Variants in EIF5A observed in about 807,000 individuals in gnomAD.
EIF5A encodes eukaryotic translation initiation factor 5A-1.
In EIF5A, 1 loss-of-function variant was observed where a neutral mutation model predicts 16.6. The observed-to-expected ratio is 0.06, with a 90% CI of 0.02 to 0.28. EIF5A has a LOEUF of 0.28. Among genes scored for constraint, EIF5A ranks in the 10% least tolerant of loss-of-function variants. EIF5A has a pLI of 1.00. For synonymous variants in EIF5A, 80 were observed against 73.6 expected, an observed-to-expected ratio of 1.09 and a Z score of -0.44; for missense variants, 29 against 196.1, an observed-to-expected ratio of 0.15 and a Z score of 5.09.
chr17:7,309,482 C>T, intron 1 of EIF5A, 133 bp from the exon 2 acceptor site: 1 of 1,228,290 alleles, frequency 8.1e-7, no homozygotes, highest in Non-Finnish European at 1.1e-6. Flanking sequence ...ATTTTAAGTT[C>T]AGGAACTTTG....
At chr17:7,308,150 G>C (rs1453245048) in intron 1 of EIF5A, 3 of 906,240 alleles carry the variant, frequency 3.3e-6, no homozygotes, top group East Asian at 1.2e-4. Context: ...GGGCATGATG[G>C]GGGGGGTTGG....
Position 7,309,811 on chromosome 17 carries a change from C to T in EIF5A, c.165+11C>T, listed in dbSNP as rs757542247. 3 of 1,614,256 alleles carry T rather than the reference C, an allele frequency of 1.9e-6. No homozygotes were observed. Among genetic ancestry groups the T allele is most frequent in the Non-Finnish European group, 2.5e-6 (3 of 1,180,042 alleles). On this transcript the variant is annotated intron_variant, in intron 2 of 5. Coordinates refer to ENST00000336458, the MANE Select transcript of EIF5A (RefSeq NM_001970.5). ...CACGGCCACGCCAAGGTTAGAATTT[C>T]ACCTCCGCATCTTGCCTTCCCCATG...
intron 2 of EIF5A, chr17:7,310,559 C>T (rs1173613273): frequency 9.2e-7 from 1 of 1,086,384 alleles, no homozygotes; most frequent in Admixed American, 5.0e-5. Context: ...TCCTTATTTT[C>T]TAGCTACATA....
At chr17:7,307,244 A>AG, upstream of EIF5A, 8 of 1,256,576 alleles carry the variant, frequency 6.4e-6, no homozygotes, top group Non-Finnish European at 8.6e-6. Context: ...CTGAGGTGGA[A>AG]GGGGTTGTTT....
intron 1 of EIF5A, among the ~76,000 whole-genome samples, chr17:7,309,101 C>T (rs1273616370): frequency 6.7e-6 from 1 of 149,838 alleles, no homozygotes; most frequent in African/African-American, 2.5e-5. Flanking sequence ...TTGTGGTTTC[C>T]TGTAGCAGTG....
chr17:7,307,914 C>G (rs2072674234), intron 1 of EIF5A, 162 bp downstream of exon 1: 3 of 984,178 alleles, frequency 3.0e-6, no homozygotes, highest in African/African-American at 3.5e-5. Context: ...GGCGCGCGCC[C>G]CGGTTGGCGC....
rs1462395203 is a variant in EIF5A, at chr17:7,307,650, G to C, written c.-124G>C. ...TGCGTACTAAGACCCGTGTGCAGCAGCGGCGGCGGCGGTAGAGGCGGCGGC... is the reference window on the plus strand; with the variant it reads ...TGCGTACTAAGACCCGTGTGCAGCACCGGCGGCGGCGGTAGAGGCGGCGGC... On this transcript the variant is annotated 5_prime_UTR_variant, in exon 1 of 6. Transcript: ENST00000336458. 2.9e-6 allele frequency: 3 copies of C among 1,048,034 alleles called. No homozygotes were observed. The highest frequency in any genetic ancestry group is 3.4e-6 in the Non-Finnish European group (3 of 871,294). The allele number at this position is 1,048,034 out of a possible 1,614,324, so 64.9% of individuals were successfully genotyped here. A position where few individuals can be genotyped will look rare whatever the true frequency, so the allele number is the denominator to read the frequency against.
upstream of EIF5A, chr17:7,307,123 G>GT (rs1341056089): frequency 1.3e-6 from 2 of 1,591,316 alleles, no homozygotes; most frequent in African/African-American, 2.7e-5. Context: ...CGTGTGAGTC[G>GT]TTTAAGTCCA....
intron 1 of EIF5A, chr17:7,308,602 G>C (rs1444060221): frequency 7.4e-7 from 1 of 1,349,390 alleles, no homozygotes; most frequent in Non-Finnish European, 9.8e-7. Flanking sequence ...CGAGCTGGGA[G>C]GCCGGAGAAA....
In EIF5A at chr17:7,311,812, T is replaced by C. The variant is rs971464573; in HGVS notation, c.*12-10T>C. 10 of 1,023,658 alleles carry C rather than the reference T, an allele frequency of 9.8e-6. No individual in the cohort carries two copies. In the Admixed American group the frequency reaches 1.4e-4, roughly 14 times the overall value. 63.4% of individuals were successfully genotyped at this position (1,023,658 alleles called of 1,614,324 possible). ...TTATCCTGTCTTACTAATTTCTCTCTCCTACCTAGGGTGGCGGTGGTGGCA... is the reference window on the plus strand; with the variant it reads ...TTATCCTGTCTTACTAATTTCTCTCCCCTACCTAGGGTGGCGGTGGTGGCA... On this transcript the variant is annotated splice_polypyrimidine_tract_variant and intron_variant, in intron 5 of 5. Coordinates refer to ENST00000336458, the MANE Select transcript of EIF5A (RefSeq NM_001970.5).
chr17:7,309,185 C>T (rs1421621849), intron 1 of EIF5A, among the ~76,000 whole-genome samples: 1 of 151,836 alleles, frequency 6.6e-6, no homozygotes, highest in Admixed American at 6.6e-5. Context: ...TCCACCCTCC[C>T]CCCCCCCAAT....
upstream of EIF5A, chr17:7,307,194 AGCGGCGTGGTCTTTTCAAC>A: frequency 6.9e-7 from 1 of 1,458,218 alleles, no homozygotes; most frequent in South Asian, 1.3e-5. Context: ...CAAGTGATCT[AGCGGCGTGGTCTTTTCAAC>A]GCCTGGCGTA....
At position 7,311,949 on chromosome 17, in the gene EIF5A, TC is replaced by T; in HGVS notation, c.*143del. The T allele has an allele frequency of 2.1e-6, 1 of 467,082 alleles. No homozygotes were observed. The highest frequency in any genetic ancestry group is 4.0e-6 in the Non-Finnish European group (1 of 248,746). 28.9% of individuals were successfully genotyped at this position (467,082 alleles called of 1,614,324 possible). ...TTTATTTGACGTTTTATTTTGGTTT[TC>T]CCCACCCCCTCAATCTGTCGGGGAG... On this transcript the variant is annotated 3_prime_UTR_variant, in exon 6 of 6. Transcript: ENST00000336458.
In EIF5A at chr17:7,311,430, A is replaced by G; in HGVS notation, c.351A>G (p.Gly117=). 1 of 1,614,078 alleles carries G rather than the reference A, an allele frequency of 6.2e-7. No homozygotes were observed. The part of the protein sequence containing the change: ...EVREDLRLPE[G]DLGKEIEQKY... ...GAGAGGACCTTCGTCTCCCTGAGGGAGACCTTGGCAAGGAGATTGAGCAGA... is the reference window on the plus strand; with the variant it reads ...GAGAGGACCTTCGTCTCCCTGAGGGGGACCTTGGCAAGGAGATTGAGCAGA... Residue 117 remains glycine (G), a synonymous_variant, in exon 4 of 6, where the codon GGA becomes GGG. Coordinates refer to ENST00000336458, the MANE Select transcript of EIF5A (RefSeq NM_001970.5).
chr17:7,309,998 C>T (rs1053394950), intron 2 of EIF5A, 198 bp downstream of exon 2: 5 of 1,526,766 alleles, frequency 3.3e-6, no homozygotes, highest in East Asian at 2.5e-5. Flanking sequence ...TGTGGTTACC[C>T]TTCTGTCCCC....
At chr17:7,311,274 G>C in intron 3 of EIF5A, 76 bp from the exon 4 acceptor site, 1 of 1,609,558 alleles carries the variant, frequency 6.2e-7, no homozygotes, top group Non-Finnish European at 8.5e-7. Flanking sequence ...AGTCCAGTTT[G>C]TCTATCAGAG....
upstream of EIF5A, chr17:7,307,427 A>G: frequency 4.6e-6 from 5 of 1,082,254 alleles, no homozygotes; most frequent in South Asian, 1.8e-4. Flanking sequence ...TGCGCGTTGC[A>G]GATTAGTTGA....
upstream of EIF5A, chr17:7,307,161 A>T (rs748642621): frequency 1.2e-5 from 19 of 1,540,048 alleles, no homozygotes; most frequent in Non-Finnish European, 1.7e-5. Flanking sequence ...GCGTATCCTG[A>T]GACGCATGCG....
intron 4 of EIF5A, 37 bp from the exon 5 acceptor site, chr17:7,311,541 C>G (rs201013827): frequency 3.5e-5 from 57 of 1,614,172 alleles, no homozygotes; most frequent in Non-Finnish European, 4.5e-5. Context: ...TCTTCCTGAG[C>G]TCAGACATCT....
Sources: allele counts gnomAD v4.1 joint callset (sites outside exome capture counted in the v4.1 genomes callset), GRCh38; gene constraint gnomAD v4.1.1; transcripts MANE v1.5; gene names NCBI Gene and HGNC (gene_info 2026-07-23, HGNC 2026-07-21).